Variants in PIKFYVE observed in about 807,000 individuals in gnomAD.
PIKFYVE encodes 1-phosphatidylinositol 3-phosphate 5-kinase.
Under a neutral mutation model 257.9 loss-of-function variants are expected in PIKFYVE, and 122 were observed. The ratio of observed to expected loss-of-function variants is 0.47; its 90% CI spans 0.41 to 0.55. The LOEUF (loss-of-function observed/expected upper bound fraction) is 0.55, where lower values mean the gene tolerates loss of function less well. Ranked by LOEUF, PIKFYVE falls within the 20% of genes least tolerant of loss-of-function variation. PIKFYVE has a pLI of 0.00. For synonymous variants in PIKFYVE, 892 were observed against 868.9 expected, an observed-to-expected ratio of 1.03 and a Z score of -0.47; for missense variants, 2,160 against 2,536.6, an observed-to-expected ratio of 0.85 and a Z score of 3.19.
At chr2:208,353,212 A>G (rs938689636) in intron 39 of PIKFYVE, among the ~76,000 whole-genome samples, 9 of 152,244 alleles carry the variant, frequency 5.9e-5, no homozygotes, top group Non-Finnish European at 1.0e-4. Flanking sequence ...AACGTGTGCT[A>G]GAATGTAATT....
chr2:208,316,684 A>G (rs575227826), intron 15 of PIKFYVE, among the ~76,000 whole-genome samples: 1,593 of 152,310 alleles, frequency 0.01, 10 homozygotes, highest in Non-Finnish European at 0.016. Context: ...AGTCAATCCT[A>G]AGCCAAAAGA....
intron 6 of PIKFYVE, among the ~76,000 whole-genome samples, chr2:208,288,344 G>T (rs1250828444): frequency 6.6e-6 from 1 of 152,150 alleles, no homozygotes; most frequent in African/African-American, 2.4e-5. Context: ...ACCTAGGTTT[G>T]TCTGACTCTA....
At chr2:208,355,025 T>A (rs1471756939) in intron 41 of PIKFYVE, among the ~76,000 whole-genome samples, 165 bp from the exon 42 acceptor site, 1 of 152,260 alleles carries the variant, frequency 6.6e-6, no homozygotes, top group Non-Finnish European at 1.5e-5. Flanking sequence ...GGTAGGACTT[T>A]GTCCCATGGC....
At chr2:208,339,899 T>G in intron 30 of PIKFYVE, 112 bp from the exon 31 acceptor site, 1 of 1,231,802 alleles carries the variant, frequency 8.1e-7, no homozygotes, top group East Asian at 2.5e-5. Flanking sequence ...AAACTGTTAT[T>G]GGTATAGTAT....
chr2:208,349,191 A>C (rs1223775595), intron 35 of PIKFYVE, among the ~76,000 whole-genome samples: 3 of 152,064 alleles, frequency 2.0e-5, no homozygotes, highest in Non-Finnish European at 4.4e-5. Flanking sequence ...TGCTGTAATA[A>C]ATTTTGACTA....
rs1696042778 is a variant in PIKFYVE at position 208,320,153 on chromosome 2, A to G, written c.2083-99A>G. 7.6e-6 allele frequency: 11 copies of G among 1,438,708 alleles called. No homozygotes were observed. The South Asian group carries it at 1.1e-4, about 15-fold the overall frequency. 89.1% of individuals were successfully genotyped at this position (1,438,708 alleles called of 1,614,324 possible). A position where few individuals can be genotyped will look rare whatever the true frequency, so the allele number is the denominator to read the frequency against. On this transcript the variant is annotated intron_variant, in intron 16 of 41. Transcript: ENST00000264380. ...ATACTAATATGAGATACATTAAGTT[A>G]GTAGGAATTATGAACAATATAGATT...
chr2:208,314,462 TA>T, intron 14 of PIKFYVE, 39 bp downstream of exon 14: 1 of 1,582,906 alleles, frequency 6.3e-7, no homozygotes, highest in Non-Finnish European at 8.6e-7. Context: ...TTTTCACTTT[TA>T]TTATCTTCAG....
chr2:208,270,191 G>A lies in PIKFYVE; in HGVS notation c.-9-1320G>A, dbSNP rs543235793. 1.6e-3 allele frequency among the ~76,000 whole-genome samples: 237 copies of A among 151,744 alleles called. 1 individual carries two copies. The highest frequency in any genetic ancestry group is 2.5e-3 in the Non-Finnish European group (167 of 67,898). ...TGAGTAGCTGGGATTACAGGTACCC[G>A]CCACCATGTCCAGCTAATTTTTGTA... is the stretch of plus-strand genomic sequence containing the variant. On this transcript the variant is annotated intron_variant, in intron 1 of 41. Coordinates refer to ENST00000264380, the MANE Select transcript of PIKFYVE (RefSeq NM_015040.4).
intron 7 of PIKFYVE, among the ~76,000 whole-genome samples, 163 bp from the exon 8 acceptor site, chr2:208,298,478 A>T (rs1425852266): frequency 2.0e-5 from 3 of 152,220 alleles, no homozygotes; most frequent in Non-Finnish European, 4.4e-5. Flanking sequence ...TCCTTTACCA[A>T]ATTTCTCCCA....
chr2:208,268,647 C>A (rs1485407885), intron 1 of PIKFYVE, among the ~76,000 whole-genome samples: 1 of 151,074 alleles, frequency 6.6e-6, no homozygotes, highest in Non-Finnish European at 1.5e-5. Flanking sequence ...TATCAGCTTA[C>A]TTCCCAACAC....
chr2:208,344,488 T>G (rs1699035701), intron 32 of PIKFYVE, among the ~76,000 whole-genome samples: 1 of 152,166 alleles, frequency 6.6e-6, no homozygotes, highest in African/African-American at 2.4e-5. Flanking sequence ...TCATAATATA[T>G]TAATAGGTAA....
intron 11 of PIKFYVE, 109 bp downstream of exon 11, chr2:208,304,427 C>T: frequency 1.4e-6 from 2 of 1,404,942 alleles, no homozygotes; most frequent in Non-Finnish European, 2.0e-6. Context: ...TTTATGGCTC[C>T]AACTAAATGG....
In PIKFYVE at chr2:208,325,343, C is replaced by T. The variant is rs1696799341; in HGVS notation, c.2532C>T (p.Gly844=). The change falls in exon 20 of 42, where the codon GGC becomes GGT. Residue 844 remains glycine, a synonymous_variant. Coordinates refer to ENST00000264380, the MANE Select transcript of PIKFYVE (RefSeq NM_015040.4). The part of the protein sequence containing the change: ...HLGCTIKLRG[G]SDYELARVKE... ...GCTGTACAATCAAGCTAAGAGGAGG[C>T]TCTGATTATGAGCTGGCTCGAGTTA... is the stretch of plus-strand genomic sequence containing the variant. 9 of 1,614,044 alleles carry T rather than the reference C, an allele frequency of 5.6e-6. No homozygotes were observed. Among genetic ancestry groups the T allele is most frequent in the Non-Finnish European group, 7.6e-6 (9 of 1,179,964 alleles).
intron 14 of PIKFYVE, 63 bp downstream of exon 14, chr2:208,314,486 C>A: frequency 6.6e-7 from 1 of 1,503,912 alleles, no homozygotes; most frequent in Non-Finnish European, 9.1e-7. Flanking sequence ...ACTTGATAAG[C>A]ATATGCATCA....
intron 8 of PIKFYVE, among the ~76,000 whole-genome samples, chr2:208,299,392 C>T (rs1253661574): frequency 1.3e-5 from 2 of 152,010 alleles, no homozygotes; most frequent in Non-Finnish European, 2.9e-5. Flanking sequence ...CAGGTTCCAG[C>T]GATTCTCCTG....
intron 21 of PIKFYVE, 137 bp downstream of exon 21, chr2:208,328,417 G>T: frequency 9.6e-7 from 1 of 1,042,664 alleles, no homozygotes. Flanking sequence ...TGAATTGATA[G>T]AACTTTTAAA....
chr2:208,330,797 T>C (rs943361481), intron 23 of PIKFYVE, 103 bp downstream of exon 23: 6 of 1,162,992 alleles, frequency 5.2e-6, no homozygotes, highest in African/African-American at 3.1e-5. Flanking sequence ...GGATTCGTTA[T>C]TTGTTATAGA....
chr2:208,317,802 T>C, intron 15 of PIKFYVE, 65 bp from the exon 16 acceptor site: 1 of 1,386,458 alleles, frequency 7.2e-7, no homozygotes, highest in South Asian at 1.2e-5. Context: ...AATAATAGCG[T>C]ACATCTAACT....
intron 12 of PIKFYVE, among the ~76,000 whole-genome samples, chr2:208,310,873 A>G (rs939967520): frequency 1.3e-5 from 2 of 152,188 alleles, no homozygotes; most frequent in Non-Finnish European, 2.9e-5. Context: ...CAGTTGGATA[A>G]ACTTGAGTAT....
Sources: gnomAD v4.1 joint callset for allele counts (sites outside exome capture counted in the v4.1 genomes callset) on GRCh38, gnomAD v4.1.1 for gene constraint, MANE v1.5 for transcripts, NCBI Gene and HGNC (gene_info 2026-07-23, HGNC 2026-07-21) for gene names.